The following DIS3L variants were observed in gnomAD, a reference collection of about 807,000 sequenced individuals.
DIS3L encodes DIS3-like exonuclease 1.
DIS3L carries 100 observed loss-of-function variants against 120.3 expected under a neutral mutation model. That is an observed-to-expected ratio of 0.83 (90% confidence interval 0.71 to 0.98). DIS3L has a LOEUF of 0.98. Ranked by LOEUF, DIS3L falls within the 50% of genes least tolerant of loss-of-function variation. DIS3L has a pLI of 0.00. For missense variants in DIS3L, 1,196 were observed against 1,314.2 expected (o/e 0.91, Z 1.39); for synonymous variants, 426 against 470.6 (o/e 0.91, Z 1.23).
intron 2 of DIS3L, among the ~76,000 whole-genome samples, chr15:66,296,283 C>T (rs1028935728): frequency 6.6e-6 from 1 of 152,100 alleles, no homozygotes; most frequent in African/African-American, 2.4e-5. Flanking sequence ...CATTCAAAGA[C>T]AAAGAGTTGG....
chr15:66,332,485 A>AGGGT (rs2093009585), intron 15 of DIS3L, among the ~76,000 whole-genome samples: 2 of 109,746 alleles, frequency 1.8e-5, no homozygotes, highest in Non-Finnish European at 3.9e-5. Flanking sequence ...TGAAGACTGG[A>AGGGT]GTGTGTGTGT....
chr15:66,310,955 A>C (rs2092753987), intron 4 of DIS3L, among the ~76,000 whole-genome samples: 1 of 149,940 alleles, frequency 6.7e-6, no homozygotes, highest in Admixed American at 6.7e-5. Context: ...AGATCATGCC[A>C]CTTGTACTCC....
intron 2 of DIS3L, among the ~76,000 whole-genome samples, chr15:66,297,130 C>G (rs1421792775): frequency 3.9e-5 from 6 of 152,164 alleles, no homozygotes; most frequent in Non-Finnish European, 7.3e-5. Flanking sequence ...GTTGACATAG[C>G]TAAATGACCC....
At chr15:66,323,615 T>C (rs747182979) in intron 11 of DIS3L, 30 bp downstream of exon 11, 1 of 1,606,918 alleles carries the variant, frequency 6.2e-7, no homozygotes, top group East Asian at 2.2e-5. Flanking sequence ...CTTCAAAGCT[T>C]GTCCTGGCCC....
intron 2 of DIS3L, 165 bp from the exon 3 acceptor site, chr15:66,306,659 C>A: frequency 1.1e-6 from 1 of 904,192 alleles, no homozygotes; most frequent in Non-Finnish European, 1.6e-6. Context: ...CAATAGCAGC[C>A]CGATAGGACT....
At chr15:66,301,342 G>A (rs1027003875) in intron 2 of DIS3L, among the ~76,000 whole-genome samples, 1 of 151,868 alleles carries the variant, frequency 6.6e-6, no homozygotes, top group African/African-American at 2.4e-5. Flanking sequence ...GTGCAGTGGT[G>A]CCATCTCAGC....
At chr15:66,328,861 T>C in intron 12 of DIS3L, 109 bp from the exon 13 acceptor site, 1 of 1,373,648 alleles carries the variant, frequency 7.3e-7, no homozygotes, top group Non-Finnish European at 9.8e-7. Context: ...CAAAACAAAT[T>C]TACTGGCAGA....
In DIS3L at chr15:66,332,847, CAA is replaced by C; in HGVS notation, c.2796_2797del (p.Lys932AsnfsTer17). The C allele has an allele frequency of 6.2e-7, 1 of 1,613,950 alleles. No individual in the cohort carries two copies. ...KPGSLQRFQN[K>X]ITSTTTDGES... ...CAGGATCCCTTCAACGATTTCAAAA[CAA>C]AATTACCTCTACTACAACAGATGGG... On this transcript the variant is annotated frameshift_variant, in exon 16 of 17. Coordinates refer to ENST00000319212, the MANE Select transcript of DIS3L (RefSeq NM_001143688.3). LOFTEE classifies it high-confidence loss of function.
chr15:66,326,576 G>T, intron 12 of DIS3L: 1 of 578,438 alleles, frequency 1.7e-6, no homozygotes, highest in Non-Finnish European at 2.9e-6. Flanking sequence ...TTGTTCCTTG[G>T]TTTTTTGTTT....
At chr15:66,315,331 G>A in intron 7 of DIS3L, 116 bp downstream of exon 7, 1 of 980,658 alleles carries the variant, frequency 1.0e-6, no homozygotes. Context: ...TATTTAAATT[G>A]ACAAAAACTG....
chr15:66,319,952 TAAAAAA>T (rs34195061), intron 8 of DIS3L, among the ~76,000 whole-genome samples: 10 of 108,046 alleles, frequency 9.3e-5, no homozygotes, highest in Non-Finnish European at 1.8e-4. Context: ...CCATTTCTAC[TAAAAAA>T]AAAAAAAAAA....
At position 66,312,024 on chromosome 15, in the gene DIS3L, T is replaced by G. The variant is rs1278672784; in HGVS notation, c.735+124T>G. 4.5e-6 allele frequency: 5 copies of G among 1,113,272 alleles called. No individual in the cohort carries two copies. The African/African-American group carries it at 7.9e-5, about 18-fold the overall frequency. The allele number at this position is 1,113,272 out of a possible 1,614,324, so 69.0% of individuals were successfully genotyped here. A position where few individuals can be genotyped will look rare whatever the true frequency, so the allele number is the denominator to read the frequency against. On this transcript the variant is annotated intron_variant, in intron 5 of 16. Coordinates refer to ENST00000319212, the MANE Select transcript of DIS3L (RefSeq NM_001143688.3). ...GAGCTGGAGACCAGACTGGGCAACA[T>G]AGTGAAACCCTGTCTCTAGAAAAAA...
intron 5 of DIS3L, among the ~76,000 whole-genome samples, chr15:66,313,769 GTA>G (rs755352490): frequency 1.2e-3 from 148 of 123,422 alleles, no homozygotes; most frequent in Middle Eastern, 3.8e-3. Flanking sequence ...GTGTGTGTGT[GTA>G]TATATATATG....
intron 1 of DIS3L, 106 bp downstream of exon 1, chr15:66,293,841 G>A: frequency 9.8e-7 from 1 of 1,023,266 alleles, no homozygotes; most frequent in Non-Finnish European, 1.2e-6. Context: ...GGACACGGAG[G>A]CGTAGGCCCC....
chr15:66,324,130 T>C (rs553325866), intron 11 of DIS3L, among the ~76,000 whole-genome samples: 1 of 152,356 alleles, frequency 6.6e-6, no homozygotes, highest in South Asian at 2.1e-4. Flanking sequence ...AATATGCATA[T>C]GTGATCTTTT....
chr15:66,317,503 CAAGA>C (rs781518280), intron 7 of DIS3L, among the ~76,000 whole-genome samples: 7 of 152,098 alleles, frequency 4.6e-5, no homozygotes, highest in Admixed American at 2.0e-4. Context: ...TGAGAGAAGG[CAAGA>C]AAGACTGAAA....
At chr15:66,294,822 C>T (rs1292784465) in intron 1 of DIS3L, among the ~76,000 whole-genome samples, 166 bp from the exon 2 acceptor site, 1 of 152,096 alleles carries the variant, frequency 6.6e-6, no homozygotes, top group East Asian at 1.9e-4. Flanking sequence ...TGAGGGTGCT[C>T]AATATACCTG....
At chr15:66,318,021 C>A (rs1179891936) in intron 7 of DIS3L, among the ~76,000 whole-genome samples, 1 of 152,174 alleles carries the variant, frequency 6.6e-6, no homozygotes, top group Non-Finnish European at 1.5e-5. Flanking sequence ...GTTGCCCAGG[C>A]TGGAGTGTAG....
chr15:66,294,232 C>G (rs968672660), intron 1 of DIS3L: 2 of 985,386 alleles, frequency 2.0e-6, no homozygotes, highest in Non-Finnish European at 2.4e-6. Context: ...AGAGCCACTT[C>G]ACCGTAGATT....
Sources: gnomAD v4.1 joint callset for allele counts (sites outside exome capture counted in the v4.1 genomes callset) on GRCh38, gnomAD v4.1.1 for gene constraint, MANE v1.5 for transcripts, NCBI Gene and HGNC (gene_info 2026-07-23, HGNC 2026-07-21) for gene names.